KCTD1: variants seen among roughly 807,000 people sequenced by gnomAD.
KCTD1 encodes potassium channel tetramerization domain containing 1, also known as BTB/POZ domain-containing protein KCTD1.
In KCTD1, 24 loss-of-function variants were observed where a neutral mutation model predicts 66.0. The observed-to-expected ratio is 0.36, with a 90% CI of 0.26 to 0.51. The LOEUF (loss-of-function observed/expected upper bound fraction) is 0.51, where lower values mean the gene tolerates loss of function less well. Among genes scored for constraint, KCTD1 ranks in the 20% least tolerant of loss-of-function variants. The probability of loss-of-function intolerance (pLI) is 0.95; values close to 1 mark genes in which losing one functional copy is unlikely to be tolerated. For missense variants in KCTD1, 943 were observed against 1,205.2 expected (o/e 0.78, Z 3.22); for synonymous variants, 511 against 517.2 (o/e 0.99, Z 0.16).
intron 1 of KCTD1, chr18:26,599,820 A>G: frequency 7.0e-6 from 11 of 1,560,546 alleles, no homozygotes; most frequent in Non-Finnish European, 9.7e-6. Flanking sequence ...CCCCTGAGGA[A>G]ATACAGTCTG....
chr18:26,584,182 G>A (rs927600906), intron 1 of KCTD1, among the ~76,000 whole-genome samples: 6 of 152,118 alleles, frequency 3.9e-5, no homozygotes, highest in African/African-American at 1.4e-4. Context: ...GGCAATACCC[G>A]GAACAGATAT....
At chr18:26,532,151 ATAACC>A (rs1223976611) in intron 1 of KCTD1, among the ~76,000 whole-genome samples, 1 of 152,196 alleles carries the variant, frequency 6.6e-6, no homozygotes, top group Non-Finnish European at 1.5e-5. Context: ...AAGGCTACAC[ATAACC>A]TAACAAGTGA....
intron 1 of KCTD1, among the ~76,000 whole-genome samples, chr18:26,508,722 TCTCTCTCACA>T (rs1157841120): frequency 2.6e-5 from 4 of 152,050 alleles, no homozygotes; most frequent in South Asian, 2.1e-4. Context: ...TCTCTCTCTC[TCTCTCTCACA>T]CACACACACA....
At position 26,460,045 on chromosome 18, in the gene KCTD1, C is replaced by T. The variant is rs190569661; in HGVS notation, c.2134-120G>A. 79 of 724,448 alleles carry T rather than the reference C, an allele frequency of 1.1e-4. No individual in the cohort carries two copies. The African/African-American group carries it at 1.2e-3, about 11-fold the overall frequency. 44.9% of individuals were successfully genotyped at this position (724,448 alleles called of 1,614,324 possible). The stretch of plus-strand genomic sequence containing the variant: ...ATGTCACTAATCAAATCTGCATGTG[C>T]GTTTTTCACTTACGACATGTTTGTA... On this transcript the variant is annotated intron_variant, in intron 3 of 4. Coordinates refer to ENST00000580059, the MANE Select transcript of KCTD1 (RefSeq NM_001142730.3).
chr18:26,482,940 T>C (rs1395852758), intron 2 of KCTD1, among the ~76,000 whole-genome samples: 1 of 152,220 alleles, frequency 6.6e-6, no homozygotes, highest in East Asian at 1.9e-4. Context: ...TTTTATCCAT[T>C]TGGCTCTCCT....
intron 1 of KCTD1, among the ~76,000 whole-genome samples, chr18:26,534,199 TAG>T (rs1471434971): frequency 2.0e-5 from 3 of 152,164 alleles, no homozygotes; most frequent in Non-Finnish European, 2.9e-5. Flanking sequence ...AAAATCTACT[TAG>T]AGTTTGTTCA....
intron 1 of KCTD1, among the ~76,000 whole-genome samples, chr18:26,536,737 C>T (rs180783176): frequency 6.6e-5 from 10 of 152,266 alleles, no homozygotes; most frequent in Admixed American, 2.6e-4. Context: ...CCTTGCACAC[C>T]GTAAGTGCTC....
chr18:26,634,332 A>G (rs1987678878), intron 1 of KCTD1, among the ~76,000 whole-genome samples: 1 of 152,222 alleles, frequency 6.6e-6, no homozygotes, highest in African/African-American at 2.4e-5. Context: ...CTTATAAGTG[A>G]GTGCAGAAAA....
chr18:26,543,347 T>C lies in KCTD1; in HGVS notation c.1809+3381A>G, dbSNP rs190233185. On this transcript the variant is annotated intron_variant, in intron 1 of 4. Transcript: ENST00000580059. Reference sequence around the variant, plus strand: ...AATCGCTATACTCCTTTCATGTTTATAAAAATTTGATTCCATCTATAAGAA... The same window carrying C: ...AATCGCTATACTCCTTTCATGTTTACAAAAATTTGATTCCATCTATAAGAA... 5.6e-4 allele frequency: 85 copies of C among 152,366 alleles called. 1 individual carries two copies. The highest frequency in any genetic ancestry group is 1.9e-3 in the African/African-American group (79 of 41,594). The allele number at this position is 152,366 out of a possible 1,614,324, so 9.4% of individuals were successfully genotyped here.
At chr18:26,473,725 A>C (rs1181604308) in intron 3 of KCTD1, among the ~76,000 whole-genome samples, 1 of 152,196 alleles carries the variant, frequency 6.6e-6, no homozygotes, top group Non-Finnish European at 1.5e-5. Context: ...CCTGGAATCA[A>C]GCTCAGTGCG....
rs1986841182 is a variant in KCTD1 at position 26,599,518 on chromosome 18, T to C, written c.-16+29629A>G. 2.6e-6 allele frequency: 4 copies of C among 1,568,576 alleles called. No homozygotes were observed. In the African/African-American group the frequency reaches 4.1e-5, roughly 16 times the overall value. On this transcript the variant is annotated intron_variant, in intron 1 of 4. Transcript: ENST00000317932. ...GATGAGCTTCAAGGTTAACTGGCAA[T>C]GAGGGCCGTGGGTCTGTGGAAAACA...
At chr18:26,641,045 G>C (rs1987823418), upstream of KCTD1, among the ~76,000 whole-genome samples, 1 of 152,186 alleles carries the variant, frequency 6.6e-6, no homozygotes, top group African/African-American at 2.4e-5. Context: ...CTGCCAGACT[G>C]ATTTCTTACT....
chr18:26,642,267 T>C (rs1987847820), upstream of KCTD1, among the ~76,000 whole-genome samples: 1 of 152,180 alleles, frequency 6.6e-6, no homozygotes. Context: ...TTATCTTCTC[T>C]CCTTAGAGCG....
chr18:26,509,826 C>T (rs74386531), intron 1 of KCTD1, among the ~76,000 whole-genome samples: 1,993 of 152,260 alleles, frequency 0.013, 37 homozygotes, highest in African/African-American at 0.046. Context: ...ATCTGAAGAC[C>T]TGGTTTGAAC....
intron 1 of KCTD1, among the ~76,000 whole-genome samples, chr18:26,651,799 A>AAGAAGAAG (rs1555649804): frequency 5.1e-5 from 6 of 117,114 alleles, no homozygotes; most frequent in African/African-American, 2.1e-4. Context: ...AAAAAAAAAA[A>AAGAAGAAG]AAGAAGAAGA....
At position 26,548,450 on chromosome 18, in the gene KCTD1, C is replaced by T; in HGVS notation, c.87G>A (p.Gly29=). The change falls in exon 1 of 5, where the codon GGG becomes GGA. Residue 29 remains glycine, a synonymous_variant. Coordinates refer to ENST00000580059, the MANE Select transcript of KCTD1 (RefSeq NM_001142730.3). Reference sequence around the variant, plus strand: ...CGCCGCGCTCGCCCTCGCCCCGCTCCCCATTGTTCTCGGCGGCGGCGGCGG... The same window carrying T: ...CGCCGCGCTCGCCCTCGCCCCGCTCTCCATTGTTCTCGGCGGCGGCGGCGG... ...SAAAAAAENN[G]ERGEGERGAG... is the part of the protein sequence containing the mutation. The T allele has an allele frequency of 7.6e-7, 1 of 1,307,954 alleles. No homozygotes were observed. Among genetic ancestry groups the T allele is most frequent in the Non-Finnish European group, 9.7e-7 (1 of 1,036,098 alleles). 81.0% of individuals were successfully genotyped at this position (1,307,954 alleles called of 1,614,324 possible). A position where few individuals can be genotyped will look rare whatever the true frequency, so the allele number is the denominator to read the frequency against.
At chr18:26,581,014 T>A (rs1261898180) in intron 1 of KCTD1, 1 of 152,214 alleles carries the variant, frequency 6.6e-6, no homozygotes, top group African/African-American at 2.4e-5. Flanking sequence ...ACAAAGTCTG[T>A]TGACCCTGGC....
intron 1 of KCTD1, among the ~76,000 whole-genome samples, chr18:26,620,348 TAAAAAAAAAAAAAAAAAA>T (rs10594272): frequency 5.7e-5 from 5 of 87,206 alleles, no homozygotes; most frequent in African/African-American, 1.1e-4. Context: ...AGGTAAATCT[TAAAAAAAAAAAAAAAAAA>T]AAAAAAAAAA....
intron 1 of KCTD1, among the ~76,000 whole-genome samples, chr18:26,603,802 TG>T (rs1173798912): frequency 7.0e-6 from 1 of 142,440 alleles, no homozygotes; most frequent in Non-Finnish European, 1.6e-5. Flanking sequence ...CCCCACACTA[TG>T]AAAACCCTAG....
Sources: gnomAD v4.1 joint callset for allele counts (sites outside exome capture counted in the v4.1 genomes callset) on GRCh38, gnomAD v4.1.1 for gene constraint, MANE v1.5 for transcripts, NCBI Gene and HGNC (gene_info 2026-07-23, HGNC 2026-07-21) for gene names.